The following PRKCD variants were observed in gnomAD, a reference collection of about 807,000 sequenced individuals.
PRKCD encodes protein kinase C delta.
In PRKCD, 20 loss-of-function variants were observed where a neutral mutation model predicts 82.2. That is an observed-to-expected ratio of 0.24 (90% CI 0.17 to 0.35). PRKCD has a LOEUF of 0.35. Among genes scored for constraint, PRKCD ranks in the 10% least tolerant of loss-of-function variants. The pLI is 1.00. For missense variants in PRKCD, 607 were observed against 899.0 expected (o/e 0.68, Z 4.15); for synonymous variants, 317 against 337.0 (o/e 0.94, Z 0.65).
At position 53,185,936 on chromosome 3, in the gene PRKCD, G is replaced by A. The variant is rs377377410; in HGVS notation, c.995G>A (p.Gly332Glu). The change falls in exon 12 of 19, where the codon GGG becomes GAG. Residue 332 changes from glycine to glutamate, a missense_variant. Around this residue, in one of 5 missense-constraint regions of PRKCD, gnomAD observed 85 missense variants for 76.1 expected, o/e 1.12. Coordinates refer to ENST00000330452, the MANE Select transcript of PRKCD (RefSeq NM_006254.4). ...VAGEDMQDNS[G>E]TYGKIWEGSS... is the part of the protein sequence containing the mutation. The stretch of plus-strand genomic sequence containing the variant: ...GCCATCTCTCGGGCAGACAACAGTG[G>A]GACCTACGGCAAGATCTGGGAGGGC... The A allele has an allele frequency of 8.7e-6, 14 of 1,614,048 alleles. No homozygotes were observed. The African/African-American group carries it at 1.3e-4, about 15-fold the overall frequency.
intron 2 of PRKCD, among the ~76,000 whole-genome samples, chr3:53,171,198 T>C (rs1703015489): frequency 1.3e-5 from 2 of 152,166 alleles, no homozygotes; most frequent in Admixed American, 6.5e-5. Flanking sequence ...GAAGGGGCCT[T>C]TGTTCCTCTC....
At chr3:53,178,070 C>T (rs782215406) in intron 2 of PRKCD, among the ~76,000 whole-genome samples, 3 of 151,784 alleles carry the variant, frequency 2.0e-5, no homozygotes, top group African/African-American at 4.8e-5. Context: ...CTCAGCCTCC[C>T]GAGTAGCTGG....
chr3:53,171,751 AT>A lies in PRKCD; in HGVS notation c.-20+6537del, dbSNP rs533807539. Among the ~76,000 whole-genome samples the A allele has an allele frequency of 3.5e-3, 530 of 152,332 alleles. 4 individuals carry two copies. Among genetic ancestry groups the A allele is most frequent in the African/African-American group, 0.012 (506 of 41,572 alleles). On this transcript the variant is annotated intron_variant, in intron 2 of 18. Transcript: ENST00000330452. ...AGCTGAGGGAACAACATCTGCAAAA[AT>A]ATGGGGGCTGGGAAATGAGACATAT...
chr3:53,162,719 TG>T (rs1553663248), intron 1 of PRKCD, among the ~76,000 whole-genome samples: 3 of 150,840 alleles, frequency 2.0e-5, no homozygotes, highest in Non-Finnish European at 4.4e-5. Context: ...TGTGTGTGTG[TG>T]TCCTTGCCTG....
Position 53,179,808 on chromosome 3 carries a change from G to GTC in PRKCD, c.315+33_315+34insCT, listed in dbSNP as rs782747092. ...GGCGCACGAGCCGTGCCGTGTGTGT[G>GTC]TGTGTGTGTGTCTGTGTGTGTGTGC... On this transcript the variant is annotated intron_variant, in intron 4 of 18. Transcript: ENST00000330452. 7.7e-6 allele frequency: 12 copies of GTC among 1,549,342 alleles called. No homozygotes were observed. In the African/African-American group the frequency reaches 1.6e-4, roughly 21 times the overall value.
At chr3:53,165,596 C>A (rs1359685846) in intron 2 of PRKCD, among the ~76,000 whole-genome samples, 1 of 152,202 alleles carries the variant, frequency 6.6e-6, no homozygotes, top group Non-Finnish European at 1.5e-5. Context: ...CTCAAACTCA[C>A]CTCATCATCA....
chr3:53,163,344 A>T (rs1396722392), intron 1 of PRKCD, among the ~76,000 whole-genome samples: 1 of 151,244 alleles, frequency 6.6e-6, no homozygotes, highest in African/African-American at 2.4e-5. Context: ...GTGTGGTGAC[A>T]GTGCTGGGAG....
chr3:53,181,966 G>C (rs1553667727), intron 7 of PRKCD: 1 of 706,554 alleles, frequency 1.4e-6, no homozygotes, highest in South Asian at 1.5e-5. Context: ...GGAGTTGGTG[G>C]ATGGCAATTG....
At position 53,185,943 on chromosome 3, in the gene PRKCD, C is replaced by T. The variant is rs546426559; in HGVS notation, c.1002C>T (p.Tyr334=). 42 of 1,614,184 alleles carry T rather than the reference C, an allele frequency of 2.6e-5. No homozygotes were observed. The highest frequency in any genetic ancestry group is 9.9e-5 in the South Asian group (9 of 91,082). ...CTCGGGCAGACAACAGTGGGACCTACGGCAAGATCTGGGAGGGCAGCAGCA... is the reference window on the plus strand; with the variant it reads ...CTCGGGCAGACAACAGTGGGACCTATGGCAAGATCTGGGAGGGCAGCAGCA... ...GEDMQDNSGT[Y]GKIWEGSSKC... The change falls in exon 12 of 19, where the codon TAC becomes TAT. Residue 334 remains tyrosine, a synonymous_variant. Coordinates refer to ENST00000330452, the MANE Select transcript of PRKCD (RefSeq NM_006254.4).
chr3:53,161,874 C>T (rs1186108737), intron 1 of PRKCD, among the ~76,000 whole-genome samples: 1 of 133,232 alleles, frequency 7.5e-6, no homozygotes, highest in African/African-American at 2.9e-5. Context: ...ACACCCCTAC[C>T]CCCGCCCGCC....
intron 14 of PRKCD, among the ~76,000 whole-genome samples, chr3:53,186,928 G>A (rs1234800425): frequency 2.6e-5 from 4 of 152,158 alleles, no homozygotes; most frequent in Admixed American, 6.5e-5. Flanking sequence ...GGTCCTGGCC[G>A]CTCCGTGGGC....
At chr3:53,163,122 G>A (rs115126284) in intron 1 of PRKCD, among the ~76,000 whole-genome samples, 1,557 of 152,086 alleles carry the variant, frequency 0.01, 33 homozygotes, top group African/African-American at 0.036. Flanking sequence ...GGTGGTGTCT[G>A]GGCAGCTGTA....
intron 18 of PRKCD, among the ~76,000 whole-genome samples, chr3:53,191,596 A>G (rs1489245174): frequency 6.6e-6 from 1 of 152,334 alleles, no homozygotes; most frequent in African/African-American, 2.4e-5. Context: ...TCCTGTAAAC[A>G]GCCTGATAGT....
At chr3:53,182,035 T>C (rs6445568) in intron 7 of PRKCD, 556,671 of 560,734 alleles carry the variant, frequency 0.99, 276,420 homozygotes, top group East Asian at 1. Context: ...CCTCTTTTCC[T>C]CGGAGAGGCA....
At position 53,186,683 on chromosome 3, in the gene PRKCD, T is replaced by C; in HGVS notation, c.1340T>C (p.Leu447Pro). The C allele has an allele frequency of 6.2e-7, 1 of 1,613,746 alleles. No homozygotes were observed. Among genetic ancestry groups the C allele is most frequent in the Non-Finnish European group, 8.5e-7 (1 of 1,179,722 alleles). Residue 447 changes from leucine to proline, a missense_variant, in exon 14 of 19, where the codon CTC becomes CCC. Leu to Pro is a moderately conservative substitution (Grantham distance 98, BLOSUM62 -3). Transcript: ENST00000330452. ...ATCCAGGACAAAGGCCGCTTTGAAC[T>C]CTACCGTGCCACGTACGTAAGGGCC... Reference protein sequence around the residue: ...YHIQDKGRFELYRATFYAAEI... With the variant: ...YHIQDKGRFEPYRATFYAAEI...
At position 53,184,532 on chromosome 3, in the gene PRKCD, G is replaced by A. The variant is rs142314794; in HGVS notation, c.788-342G>A. Among the ~76,000 whole-genome samples the A allele has an allele frequency of 3.6e-3, 550 of 151,240 alleles. 2 individuals are homozygous for A. Among genetic ancestry groups the A allele is most frequent in the African/African-American group, 0.012 (511 of 41,190 alleles). ...CTCTACTAAAAATACAAAATTAGCCGGATATGGTGGCGCATGCCTGTAATC... is the reference window on the plus strand; with the variant it reads ...CTCTACTAAAAATACAAAATTAGCCAGATATGGTGGCGCATGCCTGTAATC... On this transcript the variant is annotated intron_variant, in intron 9 of 18. Coordinates refer to ENST00000330452, the MANE Select transcript of PRKCD (RefSeq NM_006254.4).
intron 14 of PRKCD, among the ~76,000 whole-genome samples, 195 bp downstream of exon 14, chr3:53,186,890 C>T (rs557335596): frequency 1.4e-4 from 22 of 152,266 alleles, no homozygotes; most frequent in African/African-American, 3.1e-4. Context: ...AAGTGAACTG[C>T]GGCTGGGTGC....
At chr3:53,175,776 G>A (rs1703193553) in intron 2 of PRKCD, among the ~76,000 whole-genome samples, 1 of 152,208 alleles carries the variant, frequency 6.6e-6, no homozygotes, top group Non-Finnish European at 1.5e-5. Flanking sequence ...ATTAGGCCCT[G>A]GATGTGTGGA....
chr3:53,190,346 G>A (rs1017115379), intron 18 of PRKCD, among the ~76,000 whole-genome samples: 2 of 152,218 alleles, frequency 1.3e-5, no homozygotes, highest in Middle Eastern at 3.2e-3. Flanking sequence ...AGCAAAGTGG[G>A]AGATGCAGTC....
Sources: gnomAD v4.1 joint callset for allele counts (sites outside exome capture counted in the v4.1 genomes callset) on GRCh38, gnomAD v4.1.1 for gene constraint, gnomAD v4.1.1 regional missense constraint, MANE v1.5 for transcripts, NCBI Gene and HGNC (gene_info 2026-07-23, HGNC 2026-07-21) for gene names.